HTR2C: variants seen among roughly 807,000 people sequenced by gnomAD.
The protein encoded by HTR2C is 5-hydroxytryptamine (serotonin) receptor 2C, G protein-coupled.
A neutral mutation model predicts 21.0 loss-of-function variants in HTR2C; 5 were observed. The ratio of observed to expected loss-of-function variants is 0.24; its 90% CI spans 0.12 to 0.50. HTR2C has a LOEUF of 0.50. HTR2C is among the 20% of genes least tolerant of loss of function. HTR2C has a pLI of 0.98. For synonymous variants in HTR2C, 150 were observed against 145.3 expected (o/e 1.03, Z -0.23); for missense variants, 271 against 371.2 (o/e 0.73, Z 2.22).
At chrX:114,607,191 C>T (rs782289536) in intron 1 of HTR2C, among the ~76,000 whole-genome samples, 20 of 112,013 alleles carry the variant, frequency 1.8e-4, no homozygotes, top group Admixed American at 5.6e-4. Context: ...TGGGCATATA[C>T]GTGCAAGTCA....
intron 5 of HTR2C, among the ~76,000 whole-genome samples, chrX:114,865,042 T>A (rs1420544775): frequency 4.5e-5 from 5 of 110,265 alleles, no homozygotes; most frequent in African/African-American, 1.6e-4. Flanking sequence ...TCCATCCCCA[T>A]CAAAAGTTTC....
chrX:114,834,296 TG>T (rs1416488618), intron 4 of HTR2C, among the ~76,000 whole-genome samples: 1 of 107,602 alleles, frequency 9.3e-6, no homozygotes, highest in Non-Finnish European at 1.9e-5. Context: ...ATGTTGACAG[TG>T]GGGTGTTAAA....
chrX:114,724,167 C>T (rs782119495), intron 2 of HTR2C, among the ~76,000 whole-genome samples: 66 of 97,528 alleles, frequency 6.8e-4, no homozygotes, highest in South Asian at 1.7e-3. Context: ...CTTTGTAGGT[C>T]ACTCAAGACT....
intron 2 of HTR2C, among the ~76,000 whole-genome samples, chrX:114,689,250 T>G (rs1453072255): frequency 1.1e-5 from 1 of 92,558 alleles, no homozygotes; most frequent in African/African-American, 4.0e-5. Context: ...CTTTATCCAC[T>G]CATTGCTTGA....
chrX:114,680,031 C>G (rs1556413322), intron 2 of HTR2C, among the ~76,000 whole-genome samples: 1 of 111,979 alleles, frequency 8.9e-6, no homozygotes, highest in African/African-American at 3.2e-5. Flanking sequence ...TTTTTTGTTA[C>G]AATTTGTTTA....
At chrX:114,705,689 A>G (rs1367084257) in intron 2 of HTR2C, among the ~76,000 whole-genome samples, 2 of 68,434 alleles carry the variant, frequency 2.9e-5, no homozygotes, top group East Asian at 6.3e-4. Flanking sequence ...AATGGAAACA[A>G]AAGACAAAAT....
chrX:114,704,725 G>A (rs1556417660), intron 2 of HTR2C, among the ~76,000 whole-genome samples: 1 of 110,777 alleles, frequency 9.0e-6, no homozygotes, highest in Non-Finnish European at 1.9e-5. Flanking sequence ...GGCAGGAGAA[G>A]GAAATAAAGG....
chrX:114,829,068 A>G (rs1318726635), intron 4 of HTR2C, among the ~76,000 whole-genome samples: 4 of 111,812 alleles, frequency 3.6e-5, no homozygotes, highest in Non-Finnish European at 7.5e-5. Context: ...GTATCTATAA[A>G]TAGAATTGCT....
intron 2 of HTR2C, among the ~76,000 whole-genome samples, chrX:114,661,148 A>G (rs1251833362): frequency 8.9e-6 from 1 of 111,952 alleles, no homozygotes; most frequent in Admixed American, 9.5e-5. Context: ...AGAGTGATGC[A>G]TTATCTGGTT....
At chrX:114,644,309 G>A (rs782622907) in intron 2 of HTR2C, among the ~76,000 whole-genome samples, 4 of 94,636 alleles carry the variant, frequency 4.2e-5, no homozygotes, top group Non-Finnish European at 8.3e-5. Flanking sequence ...TTGCTCCACT[G>A]CAGCCTGGGT....
chrX:114,704,529 C>G (rs1468952259), intron 2 of HTR2C, among the ~76,000 whole-genome samples: 19 of 111,792 alleles, frequency 1.7e-4, no homozygotes, highest in Non-Finnish European at 3.2e-4. Flanking sequence ...TAAAAACTCT[C>G]AATAAATTAG....
In HTR2C at chrX:114,907,522, A is replaced by G; in HGVS notation, c.*107A>G. 11 of 597,652 alleles carry G rather than the reference A, an allele frequency of 1.8e-5. No individual in the cohort carries two copies. The highest frequency in any genetic ancestry group is 2.9e-5 in the Non-Finnish European group (11 of 374,932). The allele number at this position is 597,652 out of a possible 1,213,427, so 49.3% of individuals were successfully genotyped here. On this transcript the variant is annotated 3_prime_UTR_variant, in exon 6 of 6. Transcript: ENST00000276198. ...ACTAATGTAAATATTGCTGTCTGAA[A>G]AAGTGTTTTTACATATAGCTTTGCA...
chrX:114,616,813 T>C (rs1928967658), intron 2 of HTR2C, among the ~76,000 whole-genome samples: 1 of 111,980 alleles, frequency 8.9e-6, no homozygotes, highest in African/African-American at 3.2e-5. Context: ...TTGTATAAGG[T>C]TTGTGATATC....
intron 4 of HTR2C, among the ~76,000 whole-genome samples, chrX:114,795,667 A>C (rs1297857160): frequency 9.0e-6 from 1 of 111,602 alleles, no homozygotes; most frequent in Non-Finnish European, 1.9e-5. Flanking sequence ...CAAAGATCAG[A>C]TAGTTGTAAA....
In HTR2C at chrX:114,823,379, A is replaced by T. The variant is rs1431250079; in HGVS notation, c.350-24624A>T. On this transcript the variant is annotated intron_variant, in intron 4 of 5. Transcript: ENST00000276198. ...GAGGCTTTCATGACAGCATTTACAC[A>T]GAGAAGCATCAATCAATGTCAAGCC... 1.5e-5 allele frequency: 5 copies of T among 335,844 alleles called. No homozygotes were observed. The East Asian group carries it at 4.9e-4, about 33-fold the overall frequency. 27.7% of individuals were successfully genotyped at this position (335,844 alleles called of 1,213,427 possible). A position where few individuals can be genotyped will look rare whatever the true frequency, so the allele number is the denominator to read the frequency against.
intron 2 of HTR2C, among the ~76,000 whole-genome samples, chrX:114,680,997 G>T (rs1413990038): frequency 6.3e-5 from 7 of 111,360 alleles, no homozygotes; most frequent in African/African-American, 2.3e-4. Flanking sequence ...GCAGAACATG[G>T]TGCACATATT....
chrX:114,641,733 CATTTT>C (rs782570293), intron 2 of HTR2C, among the ~76,000 whole-genome samples: 2 of 111,634 alleles, frequency 1.8e-5, no homozygotes, highest in South Asian at 3.7e-4. Flanking sequence ...GATGTTATGC[CATTTT>C]ATTTTATTTT....
At position 114,835,002 on chromosome X, in the gene HTR2C, ATTCTT is replaced by A. The variant is rs1404669582; in HGVS notation, c.350-12994_350-12990del. On this transcript the variant is annotated intron_variant, in intron 4 of 5. Coordinates refer to ENST00000276198, the MANE Select transcript of HTR2C (RefSeq NM_000868.4). ...CTGGATATGAAATTCTGGGTTGAAA[ATTCTT>A]TTCTTTAAGAATGTTGAATATTGGC... Among the ~76,000 whole-genome samples the A allele has an allele frequency of 1.3e-4, 13 of 97,064 alleles. No homozygotes were observed. The Admixed American group carries it at 1.6e-3, about 12-fold the overall frequency. The allele number at this position is 97,064 out of a possible 115,157, so 84.3% of individuals were successfully genotyped here.
intron 2 of HTR2C, among the ~76,000 whole-genome samples, chrX:114,719,826 G>A (rs1933125785): frequency 9.0e-6 from 1 of 111,173 alleles, no homozygotes; most frequent in African/African-American, 3.3e-5. Context: ...AACAGTAATG[G>A]AATTCATCCA....
Sources: allele counts gnomAD v4.1 joint callset (sites outside exome capture counted in the v4.1 genomes callset), GRCh38; gene constraint gnomAD v4.1.1; transcripts MANE v1.5; gene names NCBI Gene and HGNC (gene_info 2026-07-23, HGNC 2026-07-21).